GIGYF2: variants seen among roughly 807,000 people sequenced by gnomAD.
GIGYF2 encodes GRB10 interacting GYF protein 2.
GIGYF2 carries 25 observed loss-of-function variants against 208.1 expected under a neutral mutation model. That is an observed-to-expected ratio of 0.12 (90% CI 0.09 to 0.17). GIGYF2 has a LOEUF of 0.17. Among genes scored for constraint, GIGYF2 ranks in the 10% least tolerant of loss-of-function variants. The pLI, the probability that GIGYF2 is intolerant of heterozygous loss-of-function variation, is 1.00. For missense variants in GIGYF2, 1,302 were observed against 1,579.4 expected, an observed-to-expected ratio of 0.82 and a Z score of 2.98; for synonymous variants, 534 against 543.8, an observed-to-expected ratio of 0.98 and a Z score of 0.25.
chr2:232,730,922 A>G (rs903976051), intron 2 of GIGYF2, among the ~76,000 whole-genome samples: 72 of 146,272 alleles, frequency 4.9e-4, no homozygotes, highest in Admixed American at 8.8e-4. Context: ...AAAAAAAAAA[A>G]GAAATCTTTA....
intron 2 of GIGYF2, chr2:232,705,784 A>G (rs1051793523): frequency 5.4e-5 from 8 of 147,968 alleles, no homozygotes; most frequent in Admixed American, 4.1e-4. Context: ...GCTCACTGCA[A>G]CCTCCGTTTC....
intron 9 of GIGYF2, among the ~76,000 whole-genome samples, chr2:232,790,196 A>G (rs1333741803): frequency 1.3e-5 from 2 of 152,176 alleles, no homozygotes; most frequent in African/African-American, 2.4e-5. Flanking sequence ...CCTGGCATTA[A>G]TAAATAGTCA....
At chr2:232,810,134 T>C (rs1250954596) in intron 16 of GIGYF2, among the ~76,000 whole-genome samples, 1 of 152,204 alleles carries the variant, frequency 6.6e-6, no homozygotes, top group East Asian at 1.9e-4. Context: ...ACTACAGGCG[T>C]GTGCCACCAC....
chr2:232,723,691 G>A (rs1482195443), intron 2 of GIGYF2, among the ~76,000 whole-genome samples: 1 of 145,732 alleles, frequency 6.9e-6, no homozygotes, highest in East Asian at 2.1e-4. Flanking sequence ...GGCCTCCAAA[G>A]TGCTGGGATT....
intron 14 of GIGYF2, 125 bp downstream of exon 14, chr2:232,796,346 A>G: frequency 1.4e-6 from 1 of 725,014 alleles, no homozygotes; most frequent in Non-Finnish European, 2.5e-6. Context: ...ACGCGCGCAC[A>G]CACGCAGACT....
At chr2:232,700,898 A>G (rs1281853862) in intron 1 of GIGYF2, among the ~76,000 whole-genome samples, 1 of 152,226 alleles carries the variant, frequency 6.6e-6, no homozygotes, top group East Asian at 1.9e-4. Context: ...TTCATTTTTA[A>G]TACTTTGAAA....
intron 22 of GIGYF2, among the ~76,000 whole-genome samples, chr2:232,835,299 G>T (rs764260879): frequency 7.2e-5 from 11 of 151,954 alleles, no homozygotes; most frequent in Non-Finnish European, 1.3e-4. Flanking sequence ...TTTCCTTTTG[G>T]TTTTTTAAAA....
At chr2:232,768,030 G>T in intron 8 of GIGYF2, 1 of 671,674 alleles carries the variant, frequency 1.5e-6, no homozygotes, top group Non-Finnish European at 2.5e-6. Flanking sequence ...TTTCCAGAAT[G>T]TGTATTGTTA....
chr2:232,704,816 T>G (rs1173405875), intron 2 of GIGYF2, among the ~76,000 whole-genome samples: 2 of 151,874 alleles, frequency 1.3e-5, no homozygotes, highest in Admixed American at 1.3e-4. Context: ...ATTTCATTGG[T>G]TATTTCCATT....
At chr2:232,847,191 TAAAAG>T (rs1292374699) in intron 26 of GIGYF2, among the ~76,000 whole-genome samples, 152 bp from the exon 27 acceptor site, 1 of 152,220 alleles carries the variant, frequency 6.6e-6, no homozygotes, top group Admixed American at 6.5e-5. Flanking sequence ...ATAGGGTAGA[TAAAAG>T]AATATTTAAA....
At chr2:232,718,290 G>T (rs2106268055) in intron 2 of GIGYF2, among the ~76,000 whole-genome samples, 1 of 152,160 alleles carries the variant, frequency 6.6e-6, no homozygotes, top group East Asian at 1.9e-4. Context: ...TAGAGACAGG[G>T]TTTCACCGTT....
intron 22 of GIGYF2, among the ~76,000 whole-genome samples, chr2:232,836,273 T>TAC (rs1701592098): frequency 0.011 from 16 of 1,416 alleles, no homozygotes; most frequent in Admixed American, 0.021. Flanking sequence ...CATATATATA[T>TAC]ATATATATAT....
chr2:232,744,618 A>T (rs1698083229), intron 3 of GIGYF2, among the ~76,000 whole-genome samples: 1 of 148,858 alleles, frequency 6.7e-6, no homozygotes, highest in African/African-American at 2.5e-5. Context: ...TGCAGCCTTG[A>T]CCTCCCAGGC....
chr2:232,729,939 G>A lies in GIGYF2; in HGVS notation c.-43-5216G>A, dbSNP rs1697380240. ...ACTATCTTTAGCTCCTCTTCCTATAGTGTCTTCCATATCCACAGGACCATA... is the reference window on the plus strand; with the variant it reads ...ACTATCTTTAGCTCCTCTTCCTATAATGTCTTCCATATCCACAGGACCATA... On this transcript the variant is annotated intron_variant, in intron 2 of 28. Coordinates refer to ENST00000373563, the MANE Select transcript of GIGYF2 (RefSeq NM_001103146.3). The A allele has an allele frequency of 5.5e-6, 4 of 731,700 alleles. No individual in the cohort carries two copies. The Admixed American group carries it at 7.4e-5, about 13-fold the overall frequency. 45.3% of individuals were successfully genotyped at this position (731,700 alleles called of 1,614,324 possible). A position where few individuals can be genotyped will look rare whatever the true frequency, so the allele number is the denominator to read the frequency against.
At chr2:232,749,891 A>C (rs1698275819) in intron 5 of GIGYF2, among the ~76,000 whole-genome samples, 1 of 152,108 alleles carries the variant, frequency 6.6e-6, no homozygotes, top group Non-Finnish European at 1.5e-5. Flanking sequence ...ATTTTGAACG[A>C]CAAAAATGTT....
At chr2:232,768,508 G>A (rs1699073269) in intron 8 of GIGYF2, 1 of 1,614,128 alleles carries the variant, frequency 6.2e-7, no homozygotes. Flanking sequence ...TGCTGGAGCA[G>A]AGTAGCCAGA....
chr2:232,841,036 C>T (rs1438108545), intron 23 of GIGYF2, among the ~76,000 whole-genome samples: 1 of 149,990 alleles, frequency 6.7e-6, no homozygotes, highest in Admixed American at 6.7e-5. Context: ...TGTTTCTTCA[C>T]ACTTGAAGAT....
chr2:232,759,627 G>A (rs1025836755), intron 6 of GIGYF2, among the ~76,000 whole-genome samples: 3 of 151,424 alleles, frequency 2.0e-5, no homozygotes, highest in Non-Finnish European at 4.4e-5. Context: ...GTGTTCTACT[G>A]TATTTTATCA....
intron 18 of GIGYF2, 37 bp from the exon 19 acceptor site, chr2:232,815,600 T>A: frequency 9.2e-7 from 1 of 1,087,256 alleles, no homozygotes; most frequent in South Asian, 1.2e-5. Context: ...GTGTGTAAGC[T>A]CTGTCATTCC....
Sources: gnomAD v4.1 joint callset for allele counts (sites outside exome capture counted in the v4.1 genomes callset) on GRCh38, gnomAD v4.1.1 for gene constraint, MANE v1.5 for transcripts, NCBI Gene and HGNC (gene_info 2026-07-23, HGNC 2026-07-21) for gene names.